The following ITPR1 variants were observed in gnomAD, a reference collection of about 807,000 sequenced individuals.
The protein encoded by ITPR1 is inositol 1,4,5-trisphosphate-gated calcium channel ITPR1.
In ITPR1, 96 loss-of-function variants were observed where a neutral mutation model predicts 318.4. The ratio of observed to expected loss-of-function variants is 0.30; its 90% CI spans 0.26 to 0.36. The LOEUF (loss-of-function observed/expected upper bound fraction) is 0.36. Among genes scored for constraint, ITPR1 ranks in the 10% least tolerant of loss-of-function variants. The pLI is 1.00. For missense variants in ITPR1, 2,440 were observed against 3,460.2 expected, an observed-to-expected ratio of 0.71 and a Z score of 7.40; for synonymous variants, 1,312 against 1,289.9, an observed-to-expected ratio of 1.02 and a Z score of -0.37.
At chr3:4,521,868 T>TCAAAAACAAAAA (rs112233957) in intron 4 of ITPR1, among the ~76,000 whole-genome samples, 1 of 151,628 alleles carries the variant, frequency 6.6e-6, no homozygotes, top group African/African-American at 2.4e-5. Flanking sequence ...AGACCCTGTC[T>TCAAAAACAAAAA]CAAAAACAAA....
At position 4,497,058 on chromosome 3, in the gene ITPR1, AG is replaced by A. The variant is rs2080641246; in HGVS notation, c.-17+2553del. Among the ~76,000 whole-genome samples, 3 of 23,838 alleles carry A rather than the reference AG, an allele frequency of 1.3e-4. No individual in the cohort carries two copies. In the South Asian group the frequency reaches 9.0e-3, roughly 71 times the overall value. 15.6% of individuals were successfully genotyped at this position (23,838 alleles called of 152,430 possible). On this transcript the variant is annotated intron_variant, in intron 2 of 61. Coordinates refer to ENST00000649015, the MANE Select transcript of ITPR1 (RefSeq NM_001378452.1). ...CTGTCTGTTAACCAGAAGTCCATGC[AG>A]TTTTTTTTTTTTCCATTTTTGCTGT...
chr3:4,679,317 G>A (rs1263313804), intron 24 of ITPR1, among the ~76,000 whole-genome samples: 1 of 152,190 alleles, frequency 6.6e-6, no homozygotes, highest in African/African-American at 2.4e-5. Flanking sequence ...ATGGGAATTG[G>A]CCTCACGCAG....
chr3:4,810,611 A>T (rs1027123935), intron 55 of ITPR1, among the ~76,000 whole-genome samples: 9 of 152,228 alleles, frequency 5.9e-5, no homozygotes, highest in Non-Finnish European at 8.8e-5. Flanking sequence ...ATTACTATTT[A>T]CTGTACTTAC....
At chr3:4,589,640 G>A (rs933807264) in intron 4 of ITPR1, among the ~76,000 whole-genome samples, 2 of 151,996 alleles carry the variant, frequency 1.3e-5, no homozygotes, top group African/African-American at 4.8e-5. Context: ...GAGCTGGAGT[G>A]GTCCTTATAA....
At chr3:4,583,584 A>G (rs1239358869) in intron 4 of ITPR1, among the ~76,000 whole-genome samples, 1 of 152,218 alleles carries the variant, frequency 6.6e-6, no homozygotes, top group East Asian at 1.9e-4. Flanking sequence ...TCTATCATCC[A>G]GCTGGCTAGT....
intron 4 of ITPR1, among the ~76,000 whole-genome samples, chr3:4,600,235 T>G (rs1460233927): frequency 6.6e-6 from 1 of 152,170 alleles, no homozygotes; most frequent in Non-Finnish European, 1.5e-5. Flanking sequence ...TCAAGGCAGA[T>G]TTTTGGACAT....
At chr3:4,595,047 T>C (rs1478403228) in intron 4 of ITPR1, among the ~76,000 whole-genome samples, 2 of 152,228 alleles carry the variant, frequency 1.3e-5, no homozygotes, top group African/African-American at 4.8e-5. Flanking sequence ...AGCCTCACTT[T>C]TCCCTTCTGA....
At chr3:4,526,424 G>A (rs114271496) in intron 4 of ITPR1, among the ~76,000 whole-genome samples, 139 of 152,296 alleles carry the variant, frequency 9.1e-4, no homozygotes, top group African/African-American at 3.2e-3. Flanking sequence ...TCTAATCTAA[G>A]CAAATGTATT....
intron 44 of ITPR1, among the ~76,000 whole-genome samples, chr3:4,738,621 T>G (rs2043460012): frequency 6.6e-6 from 1 of 151,862 alleles, no homozygotes; most frequent in Non-Finnish European, 1.5e-5. Context: ...GGGGAGACGA[T>G]GTCTGTGGCT....
chr3:4,626,184 CTGTGTGTGTG>C (rs36079707), intron 4 of ITPR1, among the ~76,000 whole-genome samples: 2 of 147,828 alleles, frequency 1.4e-5, no homozygotes, highest in Admixed American at 6.8e-5. Flanking sequence ...CCTAAACTTT[CTGTGTGTGTG>C]TGTGTGTGTG....
chr3:4,609,546 T>G (rs934141264), intron 4 of ITPR1, among the ~76,000 whole-genome samples: 4 of 152,102 alleles, frequency 2.6e-5, no homozygotes, highest in Admixed American at 6.5e-5. Flanking sequence ...ATGTCAAAAC[T>G]ATATGAGGCC....
At chr3:4,547,607 C>T (rs1395566094) in intron 4 of ITPR1, among the ~76,000 whole-genome samples, 1 of 152,240 alleles carries the variant, frequency 6.6e-6, no homozygotes, top group Admixed American at 6.5e-5. Context: ...TTATTACACG[C>T]TAATACCTTT....
intron 44 of ITPR1, among the ~76,000 whole-genome samples, chr3:4,758,937 A>G (rs2045229482): frequency 6.6e-6 from 1 of 152,210 alleles, no homozygotes; most frequent in Admixed American, 6.5e-5. Flanking sequence ...GGTGTCAAAA[A>G]CACTTTGATT....
intron 44 of ITPR1, among the ~76,000 whole-genome samples, chr3:4,759,928 C>G (rs1213011863): frequency 6.6e-6 from 1 of 152,230 alleles, no homozygotes; most frequent in Non-Finnish European, 1.5e-5. Context: ...CTGCCTCACC[C>G]TGCCCCTGCC....
At chr3:4,706,069 G>A (rs1275524881) in intron 36 of ITPR1, 98 bp from the exon 37 acceptor site, 6 of 1,301,936 alleles carry the variant, frequency 4.6e-6, no homozygotes, top group African/African-American at 1.5e-5. Context: ...CATTCTGGGT[G>A]TGAAAAACCT....
chr3:4,818,619 C>T (rs2049463488), intron 60 of ITPR1, among the ~76,000 whole-genome samples: 1 of 152,162 alleles, frequency 6.6e-6, no homozygotes, highest in Admixed American at 6.5e-5. Flanking sequence ...TTAACACCTA[C>T]TCTCTAAGAG....
chr3:4,769,399 G>A (rs982290342), intron 46 of ITPR1, among the ~76,000 whole-genome samples: 1 of 152,174 alleles, frequency 6.6e-6, no homozygotes, highest in Non-Finnish European at 1.5e-5. Flanking sequence ...AGGCACTCAG[G>A]TAAAAATGGG....
intron 60 of ITPR1, among the ~76,000 whole-genome samples, chr3:4,836,397 T>C (rs996733532): frequency 3.6e-4 from 55 of 152,330 alleles, no homozygotes; most frequent in African/African-American, 1.2e-3. Context: ...ATGGTTACAA[T>C]GGTAAATTTT....
At chr3:4,688,388 C>G in intron 30 of ITPR1, 107 bp from the exon 31 acceptor site, 3 of 1,367,774 alleles carry the variant, frequency 2.2e-6, no homozygotes, top group Non-Finnish European at 3.0e-6. Context: ...ACAACAGGTC[C>G]CCAGCAAACA....
Sources: allele counts gnomAD v4.1 joint callset (sites outside exome capture counted in the v4.1 genomes callset), GRCh38; gene constraint gnomAD v4.1.1; transcripts MANE v1.5; gene names NCBI Gene and HGNC (gene_info 2026-07-23, HGNC 2026-07-21).